Variants in DMGDH observed in about 807,000 individuals in gnomAD.
The protein encoded by DMGDH is dimethylglycine dehydrogenase.
DMGDH carries 76 observed loss-of-function variants against 95.2 expected under a neutral mutation model. The ratio of observed to expected loss-of-function variants is 0.80; its 90% confidence interval spans 0.66 to 0.97. The LOEUF is 0.97. DMGDH is among the 50% of genes least tolerant of loss of function. The pLI, the probability that DMGDH is intolerant of heterozygous loss-of-function variation, is 0.00. For missense variants in DMGDH, 987 were observed against 1,055.0 expected (o/e 0.94, Z 0.89); for synonymous variants, 345 against 377.6 (o/e 0.91, Z 1.00).
chr5:79,019,108 C>T (rs932780095), intron 14 of DMGDH, among the ~76,000 whole-genome samples: 2 of 152,112 alleles, frequency 1.3e-5, no homozygotes, highest in Non-Finnish European at 2.9e-5. Context: ...TGGAGGCATT[C>T]CATAGGATTT....
At chr5:79,042,846 C>T (rs1754553754) in intron 6 of DMGDH, among the ~76,000 whole-genome samples, 2 of 152,006 alleles carry the variant, frequency 1.3e-5, no homozygotes, top group South Asian at 4.2e-4. Flanking sequence ...CCTGTTTCAT[C>T]CCCTGAGATG....
chr5:79,053,752 G>C (rs191516070), intron 4 of DMGDH, among the ~76,000 whole-genome samples: 30 of 152,338 alleles, frequency 2.0e-4, no homozygotes, highest in Admixed American at 6.5e-4. Flanking sequence ...GGGGAGTACA[G>C]CTATAAGCTA....
At chr5:79,061,822 T>C (rs1473602947) in intron 2 of DMGDH, among the ~76,000 whole-genome samples, 2 of 151,778 alleles carry the variant, frequency 1.3e-5, no homozygotes, top group Admixed American at 6.6e-5. Context: ...ACTGGGAGGA[T>C]TGCTTGAGCC....
At chr5:79,015,493 C>T (rs530998609) in intron 14 of DMGDH, among the ~76,000 whole-genome samples, 2 of 152,266 alleles carry the variant, frequency 1.3e-5, no homozygotes, top group East Asian at 1.9e-4. Flanking sequence ...ACATGAGACT[C>T]TTCATAATGA....
chr5:79,033,664 C>A (rs903076828), intron 7 of DMGDH, among the ~76,000 whole-genome samples: 2 of 152,168 alleles, frequency 1.3e-5, no homozygotes, highest in African/African-American at 2.4e-5. Context: ...CCTTATTGGG[C>A]AGGGCACACT....
At position 79,032,688 on chromosome 5, in the gene DMGDH, T is replaced by G; in HGVS notation, c.1516A>C (p.Arg506=). 6.2e-7 allele frequency: 1 copy of G among 1,614,144 alleles called. No homozygotes were observed. Among genetic ancestry groups the G allele is most frequent in the Non-Finnish European group, 8.5e-7 (1 of 1,180,010 alleles). ...AGGCAGGTAAAGTCCTTCTCCCACC[T>G]GTACTGAGTGTCCTGGCCTGGTTTG... ...FYKPGQDTQY[R]PSFRRTNWFE... is the part of the protein sequence containing the mutation. Residue 506 remains arginine (R), a splice_region_variant and synonymous_variant, in exon 9 of 16, where the codon AGG becomes CGG. Transcript: ENST00000255189.
chr5:79,002,402 A>G (rs1470277092), intron 15 of DMGDH, among the ~76,000 whole-genome samples: 3 of 152,210 alleles, frequency 2.0e-5, no homozygotes, highest in Non-Finnish European at 4.4e-5. Flanking sequence ...AACCTCATTT[A>G]AGGTTATAAT....
intron 5 of DMGDH, 145 bp downstream of exon 5, chr5:79,051,142 T>A: frequency 1.1e-6 from 1 of 909,040 alleles, no homozygotes; most frequent in South Asian, 1.4e-5. Flanking sequence ...GAGGGAGGGC[T>A]TTGTCACTTA....
At position 79,054,212 on chromosome 5, in the gene DMGDH, T is replaced by C. The variant is rs1754952441; in HGVS notation, c.512A>G (p.Glu171Gly). The change falls in exon 4 of 16, where the codon GAG (glutamate) becomes GGG (glycine). Residue 171 changes from glutamate (E) to glycine (G), a missense_variant. Glu to Gly is a moderately conservative substitution (Grantham distance 98, BLOSUM62 -2). Coordinates refer to ENST00000255189, the MANE Select transcript of DMGDH (RefSeq NM_013391.3). ...ATTCATGTTGAGTAAAGGGAACATC[T>C]CTTGAATTTTTTCAGGTTCAATGAG... ...QYLIEPEKIQ[E>G]MFPLLNMNKV... 6.2e-7 allele frequency: 1 copy of C among 1,614,148 alleles called. No homozygotes were observed. The highest frequency in any genetic ancestry group is 2.2e-5 in the East Asian group (1 of 44,874).
intron 5 of DMGDH, among the ~76,000 whole-genome samples, chr5:79,050,123 G>A (rs1457124522): frequency 6.6e-6 from 1 of 151,012 alleles, no homozygotes; most frequent in African/African-American, 2.4e-5. Flanking sequence ...CGGGTGTGGT[G>A]GCAGGCGCCT....
At chr5:79,047,508 T>C (rs771761282) in intron 5 of DMGDH, among the ~76,000 whole-genome samples, 18 of 152,124 alleles carry the variant, frequency 1.2e-4, no homozygotes, top group Admixed American at 6.5e-4. Context: ...CAAAGTTATC[T>C]CAGATTTAAT....
intron 8 of DMGDH, 87 bp downstream of exon 8, chr5:79,033,152 T>A: frequency 6.5e-7 from 1 of 1,544,752 alleles, no homozygotes; most frequent in South Asian, 1.1e-5. Flanking sequence ...GCCATCCCAG[T>A]GAATAGAATA....
chr5:79,021,517 G>T (rs1753865630), intron 14 of DMGDH: 3 of 1,278,978 alleles, frequency 2.3e-6, no homozygotes, highest in Non-Finnish European at 3.1e-6. Context: ...GGGCCACTGC[G>T]CCGTCTCCCT....
chr5:79,047,463 T>A (rs1269167019), intron 5 of DMGDH, among the ~76,000 whole-genome samples: 1 of 152,148 alleles, frequency 6.6e-6, no homozygotes, highest in East Asian at 1.9e-4. Context: ...ACATTTCTGA[T>A]TTGCCATGTT....
chr5:79,067,574 A>G (rs1428647414), intron 1 of DMGDH, among the ~76,000 whole-genome samples: 2 of 152,154 alleles, frequency 1.3e-5, no homozygotes, highest in Non-Finnish European at 2.9e-5. Flanking sequence ...CATTTGCAAA[A>G]CGGAGCTGTG....
At position 79,027,439 on chromosome 5, in the gene DMGDH, T is replaced by C. The variant is rs117168683; in HGVS notation, c.2033-858A>G. Among the ~76,000 whole-genome samples, 44 of 152,316 alleles carry C rather than the reference T, an allele frequency of 2.9e-4. 1 individual carries two copies. In the East Asian group the frequency reaches 6.7e-3, roughly 23 times the overall value. On this transcript the variant is annotated intron_variant, in intron 12 of 15. Transcript: ENST00000255189. ...TCTTTAATCTCTGTGTTCTCCTGTT[T>C]CCCAAGGTGGAGGGCTCATGGTAAG...
chr5:79,054,438 G>T, intron 3 of DMGDH, 90 bp from the exon 4 acceptor site: 1 of 1,293,394 alleles, frequency 7.7e-7, no homozygotes, highest in Non-Finnish European at 1.1e-6. Context: ...AAATGCAGCT[G>T]TACAAAAAGA....
chr5:79,029,779 T>C, intron 11 of DMGDH, 125 bp downstream of exon 11: 1 of 1,042,228 alleles, frequency 9.6e-7, no homozygotes, highest in Non-Finnish European at 1.4e-6. Context: ...TAAAGTTTAT[T>C]TGAAACAATC....
intron 14 of DMGDH, among the ~76,000 whole-genome samples, chr5:79,016,582 A>C (rs1274510551): frequency 6.6e-6 from 1 of 152,242 alleles, no homozygotes; most frequent in Non-Finnish European, 1.5e-5. Flanking sequence ...CAGAAATAAA[A>C]GATGACCTGA....
Sources: gnomAD v4.1 joint callset for allele counts (sites outside exome capture counted in the v4.1 genomes callset) on GRCh38, gnomAD v4.1.1 for gene constraint, MANE v1.5 for transcripts, NCBI Gene and HGNC (gene_info 2026-07-23, HGNC 2026-07-21) for gene names.